CCDC38: variants seen among roughly 807,000 people sequenced by gnomAD.
CCDC38 encodes coiled-coil domain containing 38.
Under a neutral mutation model 72.8 loss-of-function variants are expected in CCDC38, and 69 were observed. The observed-to-expected ratio is 0.95, with a 90% CI of 0.78 to 1.16. The LOEUF is 1.16. CCDC38 is among the 50% of genes most tolerant of loss of function. The pLI is 0.00. For synonymous variants in CCDC38, 201 were observed against 213.2 expected, an observed-to-expected ratio of 0.94 and a Z score of 0.50; for missense variants, 626 against 638.9, an observed-to-expected ratio of 0.98 and a Z score of 0.22.
intron 10 of CCDC38, chr12:95,885,597 A>C (rs1479548269): frequency 6.4e-6 from 1 of 156,150 alleles, no homozygotes; most frequent in Non-Finnish European, 1.4e-5. Flanking sequence ...ATAAATTTCC[A>C]GTGGTTTGCT....
At chr12:95,868,883 CAAATCATCTTA>C (rs1406518221) in intron 15 of CCDC38, among the ~76,000 whole-genome samples, 1 of 152,116 alleles carries the variant, frequency 6.6e-6, no homozygotes. Flanking sequence ...TGACTCTGGG[CAAATCATCTTA>C]ACTCCAACTG....
chr12:95,888,199 G>A (rs2079781444), intron 10 of CCDC38, among the ~76,000 whole-genome samples: 1 of 152,170 alleles, frequency 6.6e-6, no homozygotes, highest in South Asian at 2.1e-4. Flanking sequence ...AAAAAATAGG[G>A]CAGTGGGTTC....
intron 2 of CCDC38, among the ~76,000 whole-genome samples, chr12:95,926,058 A>G (rs1181165822): frequency 7.0e-6 from 1 of 141,972 alleles, no homozygotes; most frequent in Admixed American, 7.2e-5. Context: ...GGCCTCATAA[A>G]ATGAGTTAGG....
At chr12:95,931,158 TC>T (rs2080333434) in intron 2 of CCDC38, among the ~76,000 whole-genome samples, 2 of 152,226 alleles carry the variant, frequency 1.3e-5, no homozygotes. Context: ...AGAGCTGTGT[TC>T]CTTCTGGAGG....
At chr12:95,921,537 A>G (rs551691718) in intron 2 of CCDC38, among the ~76,000 whole-genome samples, 1 of 152,230 alleles carries the variant, frequency 6.6e-6, no homozygotes, top group South Asian at 2.1e-4. Context: ...GTATAAAACC[A>G]TCAGATCTTG....
chr12:95,925,777 T>G (rs1377912782), intron 2 of CCDC38, among the ~76,000 whole-genome samples: 1 of 151,902 alleles, frequency 6.6e-6, no homozygotes, highest in African/African-American at 2.4e-5. Flanking sequence ...TCAAAGGTCT[T>G]TTCTGCATCT....
chr12:95,879,782 TA>T lies in CCDC38; in HGVS notation c.1003del (p.Tyr335IlefsTer29). On this transcript the variant is annotated frameshift_variant, in exon 12 of 16. Coordinates refer to ENST00000344280, the MANE Select transcript of CCDC38 (RefSeq NM_182496.3). LOFTEE classifies it high-confidence loss of function. The surrounding 1 kb of genome is among the most constrained non-coding windows in gnomAD (Gnocchi z 5.5). ...EMDVDLEPAL[Y>X]FKEPEELLQV... ...AAGTAACTCCTCTGGTTCCTTGAAA[TA>T]AAGTGCTGGCTCCTAATTAATCAAT... 6.2e-7 allele frequency: 1 copy of T among 1,606,296 alleles called. No homozygotes were observed.
intron 13 of CCDC38, among the ~76,000 whole-genome samples, chr12:95,873,963 A>T (rs2121415107): frequency 6.6e-6 from 1 of 152,334 alleles, no homozygotes. Context: ...GAATGACATG[A>T]TCCTTTTAGA....
chr12:95,936,456 G>T lies in CCDC38; in HGVS notation c.37+17C>A. On this transcript the variant is annotated intron_variant, in intron 2 of 15. Coordinates refer to ENST00000344280, the MANE Select transcript of CCDC38 (RefSeq NM_182496.3). ...TGCCAGGCCCAAACAAGAATATATT[G>T]ATTGATTTCTTTTTACCTCCAGAAT... The T allele has an allele frequency of 6.2e-7, 1 of 1,611,442 alleles. No individual in the cohort carries two copies. The highest frequency in any genetic ancestry group is 8.5e-7 in the Non-Finnish European group (1 of 1,178,798).
At chr12:95,868,809 G>C (rs1437487966) in intron 15 of CCDC38, among the ~76,000 whole-genome samples, 2 of 152,134 alleles carry the variant, frequency 1.3e-5, no homozygotes, top group African/African-American at 4.8e-5. Flanking sequence ...CTTCTGATTG[G>C]ACAGGTAGTC....
chr12:95,882,190 G>A (rs2079708124), intron 10 of CCDC38, among the ~76,000 whole-genome samples: 1 of 152,188 alleles, frequency 6.6e-6, no homozygotes, highest in African/African-American at 2.4e-5. Context: ...TAGGGAGAGA[G>A]TAAGTTGGCT....
intron 3 of CCDC38, 43 bp downstream of exon 3, chr12:95,918,833 G>A (rs1013951289): frequency 1.5e-6 from 2 of 1,321,306 alleles, no homozygotes; most frequent in African/African-American, 2.9e-5. Flanking sequence ...AAGTGGATAT[G>A]ATTCTAACAT....
chr12:95,915,045 C>T (rs1592790533), intron 4 of CCDC38, among the ~76,000 whole-genome samples: 1 of 152,266 alleles, frequency 6.6e-6, no homozygotes, highest in East Asian at 1.9e-4. Flanking sequence ...TGAAAATAAA[C>T]TTCAATATCC....
intron 15 of CCDC38, among the ~76,000 whole-genome samples, chr12:95,867,513 A>G (rs2079534050): frequency 6.6e-6 from 1 of 152,168 alleles, no homozygotes; most frequent in African/African-American, 2.4e-5. Flanking sequence ...GAAGGCCACC[A>G]TTTTATTTCT....
chr12:95,891,709 G>C (rs1310616135), intron 8 of CCDC38, among the ~76,000 whole-genome samples: 1 of 151,246 alleles, frequency 6.6e-6, no homozygotes, highest in Non-Finnish European at 1.5e-5. Flanking sequence ...TTTCCCACTT[G>C]TTTTCCCTCT....
chr12:95,903,060 T>C (rs949884178), intron 5 of CCDC38, among the ~76,000 whole-genome samples: 9 of 152,158 alleles, frequency 5.9e-5, no homozygotes, highest in African/African-American at 2.2e-4. Context: ...TTTATTTAGG[T>C]CTTTAATTTT....
chr12:95,927,395 A>G (rs2080283815), intron 2 of CCDC38, among the ~76,000 whole-genome samples: 1 of 149,312 alleles, frequency 6.7e-6, no homozygotes, highest in East Asian at 2.0e-4. Context: ...TGCTTGGTAG[A>G]TCTTCCTCCA....
chr12:95,930,045 C>G (rs2080320846), intron 2 of CCDC38, among the ~76,000 whole-genome samples: 1 of 152,082 alleles, frequency 6.6e-6, no homozygotes, highest in Non-Finnish European at 1.5e-5. Flanking sequence ...TCTTGAGATC[C>G]TTATCTTAAT....
At chr12:95,922,005 T>C (rs1364699042) in intron 2 of CCDC38, among the ~76,000 whole-genome samples, 1 of 152,156 alleles carries the variant, frequency 6.6e-6, no homozygotes, top group Non-Finnish European at 1.5e-5. Flanking sequence ...GTAATGTACA[T>C]CCAGGACTAA....
Sources: allele counts gnomAD v4.1 joint callset (sites outside exome capture counted in the v4.1 genomes callset), GRCh38; gene constraint gnomAD v4.1.1; non-coding constraint Gnocchi (gnomAD v3.1); transcripts MANE v1.5; gene names NCBI Gene and HGNC (gene_info 2026-07-23, HGNC 2026-07-21).